EXOC4: variants seen among roughly 807,000 people sequenced by gnomAD.
The protein encoded by EXOC4 is exocyst complex component 4, also known as SEC8-like 1.
In EXOC4, 71 loss-of-function variants were observed where a neutral mutation model predicts 107.2. The observed-to-expected ratio is 0.66, with a 90% confidence interval of 0.55 to 0.81. The LOEUF (loss-of-function observed/expected upper bound fraction) is 0.81, where lower values mean the gene tolerates loss of function less well. EXOC4 is among the 30% of genes least tolerant of loss of function. The pLI is 0.00. For missense variants in EXOC4, 1,108 were observed against 1,189.6 expected, an observed-to-expected ratio of 0.93 and a Z score of 1.01; for synonymous variants, 456 against 441.2, an observed-to-expected ratio of 1.03 and a Z score of -0.42.
chr7:133,545,090 C>G (rs1800454904), intron 9 of EXOC4, among the ~76,000 whole-genome samples: 2 of 151,780 alleles, frequency 1.3e-5, no homozygotes, highest in South Asian at 4.2e-4. Flanking sequence ...ATTCCCTTGT[C>G]TATGTGGTCG....
At chr7:133,625,970 G>C (rs903526599) in intron 9 of EXOC4, among the ~76,000 whole-genome samples, 4 of 152,190 alleles carry the variant, frequency 2.6e-5, no homozygotes, top group African/African-American at 9.7e-5. Context: ...ACTTTGTGGG[G>C]CTGAGGCAGG....
intron 11 of EXOC4, among the ~76,000 whole-genome samples, chr7:133,840,820 G>A (rs1480812998): frequency 6.6e-6 from 1 of 151,982 alleles, no homozygotes; most frequent in East Asian, 1.9e-4. Flanking sequence ...GGTTCCATTG[G>A]GTGTTACCTT....
At chr7:133,425,768 A>G (rs995241599) in intron 7 of EXOC4, among the ~76,000 whole-genome samples, 1 of 152,178 alleles carries the variant, frequency 6.6e-6, no homozygotes, top group Non-Finnish European at 1.5e-5. Context: ...CTCTGCAAAT[A>G]GGAACTTTGA....
At position 133,938,002 on chromosome 7, in the gene EXOC4, G is replaced by C. The variant is rs377450937; in HGVS notation, c.2139G>C (p.Met713Ile). ...GTGACCTCAAAGCCTTGGCCAACAT[G>C]CATGAAAGCCTGGAATGGTTGGCAA... ...DVSDLKALAN[M>I]HESLEWLASR... The change falls in exon 14 of 18, where the codon ATG (methionine) becomes ATC (isoleucine). Residue 713 changes from methionine to isoleucine, a missense_variant. Coordinates refer to ENST00000253861, the MANE Select transcript of EXOC4 (RefSeq NM_021807.4). 28 of 1,614,102 alleles carry C rather than the reference G, an allele frequency of 1.7e-5. No homozygotes were observed. The South Asian group carries it at 2.0e-4, about 11-fold the overall frequency.
intron 17 of EXOC4, among the ~76,000 whole-genome samples, chr7:134,009,431 T>C (rs1018175080): frequency 2.0e-5 from 3 of 152,224 alleles, no homozygotes; most frequent in African/African-American, 7.2e-5. Flanking sequence ...GTTCCATTGC[T>C]ACCCTGTTCC....
At chr7:134,074,358 C>A in the EXOC4 span, among the ~76,000 whole-genome samples, 1 of 152,124 alleles carries the variant, frequency 6.6e-6, no homozygotes. Context: ...AAACAAGAAG[C>A]TTGTTAACCA....
intron 10 of EXOC4, among the ~76,000 whole-genome samples, chr7:133,810,020 T>A (rs1355166803): frequency 6.6e-6 from 1 of 152,248 alleles, no homozygotes; most frequent in East Asian, 1.9e-4. Flanking sequence ...ACTGTGTTCT[T>A]CTTTATATCA....
intron 9 of EXOC4, among the ~76,000 whole-genome samples, chr7:133,547,500 T>G (rs1243980383): frequency 6.6e-6 from 1 of 152,132 alleles, no homozygotes; most frequent in Admixed American, 6.5e-5. Context: ...TATGAAAAAT[T>G]TCTCTGTAGC....
At chr7:133,772,513 A>G (rs1796264539) in intron 10 of EXOC4, among the ~76,000 whole-genome samples, 1 of 99,844 alleles carries the variant, frequency 1.0e-5, no homozygotes, top group African/African-American at 3.7e-5. Flanking sequence ...CATGTACCCT[A>G]AAACTTAAAG....
chr7:133,775,237 T>C (rs144737993), intron 10 of EXOC4, among the ~76,000 whole-genome samples: 188 of 152,312 alleles, frequency 1.2e-3, no homozygotes, highest in African/African-American at 4.4e-3. Context: ...ATGTGCCTAA[T>C]CTTTGGGGGA....
intron 2 of EXOC4, among the ~76,000 whole-genome samples, chr7:133,280,189 A>G (rs1482012037): frequency 6.6e-6 from 1 of 152,224 alleles, no homozygotes; most frequent in Non-Finnish European, 1.5e-5. Context: ...CCTTGATACC[A>G]TGTACAATTG....
intron 10 of EXOC4, among the ~76,000 whole-genome samples, chr7:133,667,243 G>C (rs1793838828): frequency 6.6e-6 from 1 of 152,178 alleles, no homozygotes; most frequent in Non-Finnish European, 1.5e-5. Flanking sequence ...GAAAACACAG[G>C]AGCCAGGAGA....
At chr7:133,468,964 G>A (rs1205454715) in intron 7 of EXOC4, among the ~76,000 whole-genome samples, 1 of 152,080 alleles carries the variant, frequency 6.6e-6, no homozygotes, top group Non-Finnish European at 1.5e-5. Flanking sequence ...TTAAAATATT[G>A]CCCAAGAGAA....
chr7:133,374,070 A>G (rs1223458430), intron 6 of EXOC4, among the ~76,000 whole-genome samples: 3 of 152,190 alleles, frequency 2.0e-5, no homozygotes, highest in Non-Finnish European at 4.4e-5. Flanking sequence ...TTTTGCATCT[A>G]TGCCATAAAT....
intron 10 of EXOC4, among the ~76,000 whole-genome samples, chr7:133,754,802 T>C (rs1262809913): frequency 6.6e-6 from 1 of 152,210 alleles, no homozygotes; most frequent in Admixed American, 6.5e-5. Context: ...TAAGAAGTAT[T>C]ACTTCTAAGA....
chr7:133,787,955 T>TTTTATATATATATATATATATATATA (rs774395151), intron 10 of EXOC4, among the ~76,000 whole-genome samples: 1 of 31,646 alleles, frequency 3.2e-5, no homozygotes, highest in Admixed American at 5.0e-4. Flanking sequence ...GTGCATATAT[T>TTTTATATATATATATATATATATATA]TATATATTTA....
chr7:133,506,096 T>C (rs1799660632), intron 9 of EXOC4, among the ~76,000 whole-genome samples: 1 of 152,148 alleles, frequency 6.6e-6, no homozygotes, highest in Non-Finnish European at 1.5e-5. Context: ...TATTCTATAG[T>C]GGTTAGCTTA....
chr7:133,433,945 G>T (rs1163595007), intron 7 of EXOC4, among the ~76,000 whole-genome samples: 1 of 152,150 alleles, frequency 6.6e-6, no homozygotes, highest in Non-Finnish European at 1.5e-5. Flanking sequence ...TCAGCTAGTT[G>T]TATGTCCTTA....
rs567139459 is a variant in EXOC4, at chr7:133,292,127, G to A, written c.471+3011G>A. On this transcript the variant is annotated intron_variant, in intron 3 of 17. Coordinates refer to ENST00000253861, the MANE Select transcript of EXOC4 (RefSeq NM_021807.4). ...TGGGAGGCTGAGGTGGGCAGATCAC[G>A]TGAGGTCAGGAGATTGACACCATCC... 4.6e-5 allele frequency among the ~76,000 whole-genome samples: 7 copies of A among 152,136 alleles called. No homozygotes were observed. In the South Asian group the frequency reaches 6.2e-4, roughly 14 times the overall value.
Sources: allele counts gnomAD v4.1 joint callset (sites outside exome capture counted in the v4.1 genomes callset), GRCh38; gene constraint gnomAD v4.1.1; transcripts MANE v1.5; gene names NCBI Gene and HGNC (gene_info 2026-07-23, HGNC 2026-07-21).